Variants in RALGAPA1 observed in about 807,000 individuals in gnomAD.
RALGAPA1 encodes ral GTPase-activating protein subunit alpha-1.
RALGAPA1 carries 52 observed loss-of-function variants against 269.6 expected under a neutral mutation model. The ratio of observed to expected loss-of-function variants is 0.19; its 90% confidence interval spans 0.15 to 0.24. The LOEUF (loss-of-function observed/expected upper bound fraction) is 0.24, where lower values mean the gene tolerates loss of function less well. Among genes scored for constraint, RALGAPA1 ranks in the 10% least tolerant of loss-of-function variants. RALGAPA1 has a pLI of 1.00. For missense variants in RALGAPA1, 1,917 were observed against 3,013.9 expected (o/e 0.64, Z 8.52); for synonymous variants, 817 against 1,008.3 (o/e 0.81, Z 3.60).
chr14:35,632,436 A>C lies in RALGAPA1; in HGVS notation c.5995+2138T>G, dbSNP rs557710222. On this transcript the variant is annotated intron_variant, in intron 33 of 41. Coordinates refer to ENST00000680220, the MANE Select transcript of RALGAPA1 (RefSeq NM_001346249.2). The stretch of plus-strand genomic sequence containing the variant: ...CCTACAGCATTTGCAGCAAACCCAT[A>C]ATTACAGATTATTATGGCGTACAAA... Among the ~76,000 whole-genome samples the C allele has an allele frequency of 2.6e-5, 4 of 152,314 alleles. No homozygotes were observed. In the South Asian group the frequency reaches 8.3e-4, roughly 32 times the overall value.
rs1187814707 is a variant in RALGAPA1, at chr14:35,688,374, G to T, written c.3952+85C>A. ...AGCAGTGACCATCCCAAAGCTTTTTGATTGCTTATAGCTTGCTTCAGTTGC... is the reference window on the plus strand; with the variant it reads ...AGCAGTGACCATCCCAAAGCTTTTTTATTGCTTATAGCTTGCTTCAGTTGC... On this transcript the variant is annotated intron_variant, in intron 18 of 41. Transcript: ENST00000680220. The T allele has an allele frequency of 2.7e-6, 4 of 1,469,954 alleles. No homozygotes were observed. The African/African-American group carries it at 4.2e-5, about 15-fold the overall frequency. The allele number at this position is 1,469,954 out of a possible 1,614,324, so 91.1% of individuals were successfully genotyped here.
chr14:35,713,950 C>T (rs2068583412), intron 16 of RALGAPA1, among the ~76,000 whole-genome samples: 1 of 151,974 alleles, frequency 6.6e-6, no homozygotes, highest in South Asian at 2.1e-4. Flanking sequence ...CAAAAATTAG[C>T]CAGGCGTGGT....
chr14:35,635,793 T>C (rs573253417), intron 31 of RALGAPA1, among the ~76,000 whole-genome samples, 195 bp from the exon 32 acceptor site: 1 of 152,182 alleles, frequency 6.6e-6, no homozygotes, highest in African/African-American at 2.4e-5. Context: ...CTCTTTCATA[T>C]GTCAGGGCAA....
intron 39 of RALGAPA1, among the ~76,000 whole-genome samples, chr14:35,565,633 TAAAAC>T (rs1241988224): frequency 4.6e-5 from 7 of 152,236 alleles, no homozygotes; most frequent in Admixed American, 3.3e-4. Flanking sequence ...ACAAATTCCT[TAAAAC>T]AAATCTCTTT....
intron 10 of RALGAPA1, among the ~76,000 whole-genome samples, chr14:35,746,883 G>T (rs1430252808): frequency 6.6e-6 from 1 of 150,674 alleles, no homozygotes; most frequent in Non-Finnish European, 1.5e-5. Flanking sequence ...AAACTTATAC[G>T]ATAACCACTA....
At chr14:35,606,130 A>T (rs1248394327) in intron 35 of RALGAPA1, among the ~76,000 whole-genome samples, 1 of 152,224 alleles carries the variant, frequency 6.6e-6, no homozygotes, top group Admixed American at 6.5e-5. Context: ...TGAGTGAGAA[A>T]GGACCCAATC....
intron 16 of RALGAPA1, chr14:35,716,178 G>A (rs2068803432): frequency 1.6e-6 from 1 of 640,972 alleles, no homozygotes; most frequent in South Asian, 7.0e-5. Context: ...TGGATCACTT[G>A]AGGTCAGGAG....
In RALGAPA1 at chr14:35,739,553, C is replaced by T. The variant is rs574980530; in HGVS notation, c.1450-903G>A. On this transcript the variant is annotated intron_variant, in intron 11 of 41. Coordinates refer to ENST00000680220, the MANE Select transcript of RALGAPA1 (RefSeq NM_001346249.2). ...TTAATCAGATTCCCCCCAATTCCTG[C>T]CAACCCAATCCCTCCAGCTGCCTTA... 4.1e-4 allele frequency among the ~76,000 whole-genome samples: 63 copies of T among 152,258 alleles called. No homozygotes were observed. The Middle Eastern group carries it at 0.014, about 33-fold the overall frequency.
chr14:35,805,717 C>G (rs1039734136), intron 1 of RALGAPA1, among the ~76,000 whole-genome samples: 25 of 148,570 alleles, frequency 1.7e-4, no homozygotes, highest in African/African-American at 6.2e-4. Flanking sequence ...CGGAGTCTCG[C>G]TCTGTTGCCC....
chr14:35,791,702 C>G (rs536817325), intron 1 of RALGAPA1, among the ~76,000 whole-genome samples: 2 of 151,128 alleles, frequency 1.3e-5, no homozygotes, highest in Non-Finnish European at 1.5e-5. Context: ...GTCAGGAGAT[C>G]GAGACCATCC....
At chr14:35,658,899 A>T (rs1406267230) in intron 28 of RALGAPA1, among the ~76,000 whole-genome samples, 2 of 152,124 alleles carry the variant, frequency 1.3e-5, no homozygotes, top group African/African-American at 4.8e-5. Flanking sequence ...AAAACAAATC[A>T]TTTTAGAGAT....
At chr14:35,606,455 T>C (rs1387189382) in intron 35 of RALGAPA1, among the ~76,000 whole-genome samples, 1 of 152,184 alleles carries the variant, frequency 6.6e-6, no homozygotes, top group Non-Finnish European at 1.5e-5. Flanking sequence ...GGTATTATAA[T>C]CTTATGAGAC....
At chr14:35,615,856 G>C (rs142113536) in intron 35 of RALGAPA1, among the ~76,000 whole-genome samples, 85 of 152,214 alleles carry the variant, frequency 5.6e-4, no homozygotes, top group African/African-American at 1.9e-3. Context: ...AGACTGAAGA[G>C]TCTGGCCAGG....
chr14:35,780,717 T>C (rs747779971), intron 1 of RALGAPA1, among the ~76,000 whole-genome samples: 2 of 152,354 alleles, frequency 1.3e-5, no homozygotes, highest in Non-Finnish European at 2.9e-5. Context: ...GCTAATCCAG[T>C]GCTGACAGAA....
At chr14:35,684,555 G>T (rs552445054) in intron 20 of RALGAPA1, among the ~76,000 whole-genome samples, 1 of 152,246 alleles carries the variant, frequency 6.6e-6, no homozygotes, top group African/African-American at 2.4e-5. Context: ...TTTAAGAAGG[G>T]ATCACATTTT....
intron 31 of RALGAPA1, 152 bp from the exon 32 acceptor site, chr14:35,635,750 T>A: frequency 1.7e-6 from 1 of 589,470 alleles, no homozygotes; most frequent in Non-Finnish European, 2.6e-6. Context: ...TAACTGATTT[T>A]AAGATATTGT....
intron 33 of RALGAPA1, among the ~76,000 whole-genome samples, chr14:35,633,080 C>T (rs2061454042): frequency 6.6e-6 from 1 of 152,134 alleles, no homozygotes; most frequent in Admixed American, 6.5e-5. Context: ...TACATCTTTT[C>T]CTTTGCTTCT....
At chr14:35,554,335 TTTC>T (rs1161021348) in intron 39 of RALGAPA1, among the ~76,000 whole-genome samples, 3 of 142,132 alleles carry the variant, frequency 2.1e-5, no homozygotes, top group Non-Finnish European at 3.0e-5. Context: ...CTAAATACAC[TTTC>T]TTTTTTTTTT....
At chr14:35,647,015 G>C (rs1446220296) in intron 31 of RALGAPA1, among the ~76,000 whole-genome samples, 4 of 152,090 alleles carry the variant, frequency 2.6e-5, no homozygotes, top group African/African-American at 7.2e-5. Context: ...ACTAAAAACA[G>C]TATGGACTTT....
Sources: gnomAD v4.1 joint callset for allele counts (sites outside exome capture counted in the v4.1 genomes callset) on GRCh38, gnomAD v4.1.1 for gene constraint, MANE v1.5 for transcripts, NCBI Gene and HGNC (gene_info 2026-07-23, HGNC 2026-07-21) for gene names.